Variants in CCKAR observed in about 807,000 individuals in gnomAD.
CCKAR encodes the protein cholecystokinin A receptor.
In CCKAR, 21 loss-of-function variants were observed where a neutral mutation model predicts 29.8. That is an observed-to-expected ratio of 0.70 (90% CI 0.50 to 1.01). The LOEUF (loss-of-function observed/expected upper bound fraction) is 1.01. Ranked by LOEUF, CCKAR falls within the 50% of genes least tolerant of loss-of-function variation. The pLI is 0.00. For synonymous variants in CCKAR, 238 were observed against 221.3 expected, an observed-to-expected ratio of 1.08 and a Z score of -0.67; for missense variants, 570 against 560.6, an observed-to-expected ratio of 1.02 and a Z score of -0.17.
chr4:26,490,034 A>T, intron 1 of CCKAR, 122 bp downstream of exon 1: 1 of 651,552 alleles, frequency 1.5e-6, no homozygotes, highest in Middle Eastern at 2.5e-4. Flanking sequence ...TGAACATATG[A>T]CTTTATCTAG....
chr4:26,482,842 G>A (rs1168451536), intron 4 of CCKAR, among the ~76,000 whole-genome samples: 2 of 152,178 alleles, frequency 1.3e-5, no homozygotes, highest in African/African-American at 4.8e-5. Context: ...AAGTAGCTCT[G>A]GTTATGGAAA....
At position 26,483,288 on chromosome 4, in the gene CCKAR, T is replaced by A. The variant is rs372682450; in HGVS notation, c.627-5A>T. ...ATGAGTAACAGGAATGTGTGCCTAA[T>A]GAAATCAAAAGAAATCCAATAACCA... On this transcript the variant is annotated splice_region_variant and splice_polypyrimidine_tract_variant and intron_variant, in intron 3 of 4. Transcript: ENST00000295589. The A allele has an allele frequency of 6.2e-7, 1 of 1,611,920 alleles. No individual in the cohort carries two copies. Among genetic ancestry groups the A allele is most frequent in the Non-Finnish European group, 8.5e-7 (1 of 1,179,458 alleles).
At chr4:26,487,407 C>T (rs1319964996) in intron 2 of CCKAR, among the ~76,000 whole-genome samples, 6 of 152,156 alleles carry the variant, frequency 3.9e-5, no homozygotes, top group Admixed American at 3.9e-4. Context: ...GAGTTGATGA[C>T]ATTTAGAGTG....
At chr4:26,487,512 T>C (rs1737472745) in intron 2 of CCKAR, among the ~76,000 whole-genome samples, 1 of 152,188 alleles carries the variant, frequency 6.6e-6, no homozygotes, top group Admixed American at 6.5e-5. Context: ...TTTTTCTTTT[T>C]GCTACAAATT....
At chr4:26,484,469 C>T (rs55834467) in intron 3 of CCKAR, among the ~76,000 whole-genome samples, 22,613 of 152,096 alleles carry the variant, frequency 0.15, 1,829 homozygotes, top group South Asian at 0.3. Context: ...TTTATAATGA[C>T]ATTTTTATGA....
At chr4:26,484,475 T>A (rs925798303) in intron 3 of CCKAR, among the ~76,000 whole-genome samples, 1 of 152,200 alleles carries the variant, frequency 6.6e-6, no homozygotes, top group Non-Finnish European at 1.5e-5. Flanking sequence ...ATGACATTTT[T>A]ATGAACATAC....
chr4:26,490,269 C>T lies in CCKAR; in HGVS notation c.-2G>A, dbSNP rs1560370662. On this transcript the variant is annotated 5_prime_UTR_variant, in exon 1 of 5. Transcript: ENST00000295589. ...AAGAAGGCTGTCAACCACATCCATCCTTGCCTGCTGCTTTCCACCAAGTGC... is the reference window on the plus strand; with the variant it reads ...AAGAAGGCTGTCAACCACATCCATCTTTGCCTGCTGCTTTCCACCAAGTGC... 6.3e-7 allele frequency: 1 copy of T among 1,593,220 alleles called. No homozygotes were observed. The highest frequency in any genetic ancestry group is 8.6e-7 in the Non-Finnish European group (1 of 1,161,128).
Position 26,481,760 on chromosome 4 carries a change from G to T in CCKAR, c.1165C>A (p.Pro389Thr). The T allele has an allele frequency of 6.2e-7, 1 of 1,614,162 alleles. No individual in the cohort carries two copies. Among genetic ancestry groups the T allele is most frequent in the Non-Finnish European group, 8.5e-7 (1 of 1,180,018 alleles). The change falls in exon 5 of 5, where the codon CCC (proline) becomes ACC (threonine). Residue 389 changes from proline (P) to threonine (T), a missense_variant. Physicochemically the swap from Pro to Thr is conservative, Grantham distance 38 (BLOSUM62 -1). Transcript: ENST00000295589. ...LGFMATFPCCPNPGPPGARGE... is the reference protein window; with the variant it reads ...LGFMATFPCCTNPGPPGARGE... ...CTCGCCCCTGGGGGACCAGGATTGG[G>T]GCAGCAGGGGAAGGTGGCCATGAAG...
chr4:26,481,756 T>A lies in CCKAR; in HGVS notation c.1169A>T (p.Asn390Ile), dbSNP rs1255689810. The part of the protein sequence containing the change: ...GFMATFPCCP[N>I]PGPPGARGEV... ...TCCCCTCGCCCCTGGGGGACCAGGA[T>A]TGGGGCAGCAGGGGAAGGTGGCCAT... Residue 390 changes from asparagine (N) to isoleucine (I), a missense_variant, in exon 5 of 5, where the codon AAT becomes ATT. Coordinates refer to ENST00000295589, the MANE Select transcript of CCKAR (RefSeq NM_000730.3). 1 of 1,613,916 alleles carries A rather than the reference T, an allele frequency of 6.2e-7. No individual in the cohort carries two copies. Among genetic ancestry groups the A allele is most frequent in the East Asian group, 2.2e-5 (1 of 44,872 alleles).
rs1265005198 is a variant in CCKAR, at chr4:26,490,442, T to G, written c.-175A>C. The G allele has an allele frequency of 8.8e-6, 5 of 566,048 alleles. No individual in the cohort carries two copies. The highest frequency in any genetic ancestry group is 1.6e-5 in the Non-Finnish European group (5 of 310,428). 35.1% of individuals were successfully genotyped at this position (566,048 alleles called of 1,614,324 possible). ...TTCCTAAAGGCGACTTGAGTTCACC[T>G]CACTCACTCCAGCATTTGTACTCCT... On this transcript the variant is annotated 5_prime_UTR_variant, in exon 1 of 5. Transcript: ENST00000295589.
rs201639343 is a variant in CCKAR, at chr4:26,482,095, G to C, written c.830C>G (p.Pro277Arg). Residue 277 changes from proline to arginine, a missense_variant, in exon 5 of 5, where the codon CCG (proline) becomes CGG (arginine). Physicochemically the swap from Pro to Arg is moderately radical, Grantham distance 103 (BLOSUM62 -2). Transcript: ENST00000295589. ...DGCYLQKTRP[P>R]RKLELRQLST... ...CAGCTGCCGGAGCTCCAGCTTCCTC[G>C]GGGGCCTGGTCTTTTGCAGGTAACA... The C allele has an allele frequency of 6.2e-7, 1 of 1,614,154 alleles. No individual in the cohort carries two copies. Among genetic ancestry groups the C allele is most frequent in the Non-Finnish European group, 8.5e-7 (1 of 1,180,026 alleles).
rs1306016641 is a variant in CCKAR at position 26,481,945 on chromosome 4, A to C, written c.980T>G (p.Met327Arg). 1 of 1,614,264 alleles carries C rather than the reference A, an allele frequency of 6.2e-7. No homozygotes were observed. The highest frequency in any genetic ancestry group is 1.7e-5 in the Admixed American group (1 of 60,034). ...CCAGGCGTTGGCGCTGAAGATGGGC[A>C]TCCAGCACAGGAAGAAGAGGACCAC... Reference protein sequence around the residue: ...VIVVLFFLCWMPIFSANAWRA... With the variant: ...VIVVLFFLCWRPIFSANAWRA... The change falls in exon 5 of 5, where the codon ATG becomes AGG. Residue 327 changes from methionine (M) to arginine (R), a missense_variant. Met to Arg is a moderately conservative substitution (Grantham distance 91, BLOSUM62 -1). Coordinates refer to ENST00000295589, the MANE Select transcript of CCKAR (RefSeq NM_000730.3).
chr4:26,489,190 G>T (rs1737504704), intron 2 of CCKAR, 43 bp downstream of exon 2: 2 of 1,611,300 alleles, frequency 1.2e-6, no homozygotes, highest in Non-Finnish European at 1.7e-6. Flanking sequence ...GGCTGAGTGG[G>T]GTCTGGGGCA....
At chr4:26,488,532 TATC>T (rs1737491265) in intron 2 of CCKAR, among the ~76,000 whole-genome samples, 1 of 152,194 alleles carries the variant, frequency 6.6e-6, no homozygotes, top group African/African-American at 2.4e-5. Flanking sequence ...TGATTTTCAT[TATC>T]ATCATTTTTG....
At chr4:26,486,218 C>G (rs1276537649) in intron 2 of CCKAR, among the ~76,000 whole-genome samples, 6 of 152,166 alleles carry the variant, frequency 3.9e-5, no homozygotes, top group Non-Finnish European at 8.8e-5. Context: ...GGATGAAATT[C>G]ATTCTTGCCC....
intron 4 of CCKAR, among the ~76,000 whole-genome samples, 157 bp from the exon 5 acceptor site, chr4:26,482,327 T>G (rs1314868923): frequency 6.6e-6 from 1 of 152,206 alleles, no homozygotes; most frequent in African/African-American, 2.4e-5. Context: ...AGCATTGATC[T>G]ATACTAGTTC....
At position 26,481,482 on chromosome 4, in the gene CCKAR, G is replaced by C; in HGVS notation, c.*156C>G. On this transcript the variant is annotated 3_prime_UTR_variant, in exon 5 of 5. Transcript: ENST00000295589. ...CACTGGAGCAGTGCTCTGGAATCCA[G>C]ATGAAGGATGAAAAGCAGACCTTGA... 5.1e-6 allele frequency: 4 copies of C among 790,778 alleles called. No individual in the cohort carries two copies. Among genetic ancestry groups the C allele is most frequent in the Non-Finnish European group, 6.1e-6 (3 of 488,442 alleles). The allele number at this position is 790,778 out of a possible 1,614,324, so 49.0% of individuals were successfully genotyped here.
Position 26,482,049 on chromosome 4 carries a change from C to G in CCKAR, c.876G>C (p.Arg292Ser). 2.5e-6 allele frequency: 4 copies of G among 1,614,202 alleles called. No homozygotes were observed. The highest frequency in any genetic ancestry group is 3.4e-6 in the Non-Finnish European group (4 of 1,180,024). Residue 292 changes from arginine (R) to serine (S), a missense_variant, in exon 5 of 5, where the codon AGG (arginine) becomes AGC (serine). Coordinates refer to ENST00000295589, the MANE Select transcript of CCKAR (RefSeq NM_000730.3). ...AGCTGTTACTCCGGATGCGGTTGGC[C>G]CTGCTGCTGCTGCCGGTGGACAGCT... The part of the protein sequence containing the change: ...LRQLSTGSSS[R>S]ANRIRSNSSA...
At position 26,481,871 on chromosome 4, in the gene CCKAR, T is replaced by C. The variant is rs1308328312; in HGVS notation, c.1054A>G (p.Ile352Val). The C allele has an allele frequency of 6.2e-7, 1 of 1,613,988 alleles. No individual in the cohort carries two copies. The highest frequency in any genetic ancestry group is 8.5e-7 in the Non-Finnish European group (1 of 1,179,966). ...TAGGACAGGAGGAGGATGAAGGAAA[T>C]GGGGGTTCCTGAGAGGCGGCGCTCT... is the stretch of plus-strand genomic sequence containing the variant. ...SAERRLSGTP[I>V]SFILLLSYTS... Residue 352 changes from isoleucine (I) to valine (V), a missense_variant, in exon 5 of 5, where the codon ATT becomes GTT. Transcript: ENST00000295589.
Sources: gnomAD v4.1 joint callset for allele counts (sites outside exome capture counted in the v4.1 genomes callset) on GRCh38, gnomAD v4.1.1 for gene constraint, MANE v1.5 for transcripts, NCBI Gene and HGNC (gene_info 2026-07-23, HGNC 2026-07-21) for gene names.